The following SBF2 variants were observed in gnomAD, a reference collection of about 807,000 sequenced individuals.
SBF2 encodes myotubularin-related protein 13.
In SBF2, 112 loss-of-function variants were observed where a neutral mutation model predicts 225.2. That is an observed-to-expected ratio of 0.50 (90% confidence interval 0.43 to 0.58). The LOEUF (loss-of-function observed/expected upper bound fraction) is 0.58. SBF2 is among the 20% of genes least tolerant of loss of function. SBF2 has a pLI of 0.00. For synonymous variants in SBF2, 763 were observed against 773.3 expected (o/e 0.99, Z 0.22); for missense variants, 1,996 against 2,206.2 (o/e 0.90, Z 1.91).
intron 2 of SBF2, among the ~76,000 whole-genome samples, chr11:10,087,820 G>C (rs963452419): frequency 4.6e-5 from 7 of 152,198 alleles, no homozygotes; most frequent in Non-Finnish European, 7.3e-5. Context: ...AGCATTTTCA[G>C]TAAAACCTGG....
Position 9,831,527 on chromosome 11 carries a change from G to A in SBF2, c.3652+697C>T, listed in dbSNP as rs72853260. Among the ~76,000 whole-genome samples, 1,332 of 152,298 alleles carry A rather than the reference G, an allele frequency of 8.7e-3. 10 individuals are homozygous for A. The highest frequency in any genetic ancestry group is 0.015 in the Non-Finnish European group (1,011 of 68,034). On this transcript the variant is annotated intron_variant, in intron 27 of 39. Coordinates refer to ENST00000256190, the MANE Select transcript of SBF2 (RefSeq NM_030962.4). ...TGAGTTTACTTCATTTCCAAAGGTG[G>A]AAGAATGCAGCCATCCCTAAATCGG...
chr11:10,017,808 C>T (rs1948708151), intron 6 of SBF2, among the ~76,000 whole-genome samples: 2 of 152,096 alleles, frequency 1.3e-5, no homozygotes, highest in Admixed American at 6.5e-5. Context: ...TTACCAAACA[C>T]ATATGACTAA....
intron 38 of SBF2, among the ~76,000 whole-genome samples, chr11:9,782,857 G>A (rs1191135706): frequency 2.7e-5 from 4 of 145,596 alleles, no homozygotes; most frequent in Admixed American, 1.4e-4. Context: ...GTGACAAAGC[G>A]AGACTCTGTC....
intron 2 of SBF2, among the ~76,000 whole-genome samples, chr11:10,174,452 G>A (rs1169017592): frequency 6.6e-6 from 1 of 152,130 alleles, no homozygotes; most frequent in African/African-American, 2.4e-5. Context: ...AAGAAGGGAA[G>A]TTTAGAGAAA....
At chr11:10,060,215 A>C (rs1950383311) in intron 2 of SBF2, among the ~76,000 whole-genome samples, 1 of 152,216 alleles carries the variant, frequency 6.6e-6, no homozygotes, top group African/African-American at 2.4e-5. Flanking sequence ...GAACCCACAG[A>C]AACAAAAATA....
chr11:10,111,767 C>T (rs1952864784), intron 2 of SBF2, among the ~76,000 whole-genome samples: 4 of 152,218 alleles, frequency 2.6e-5, no homozygotes, highest in Admixed American at 6.5e-5. Flanking sequence ...ATCCCAGCTA[C>T]TCAGGAGGCT....
In SBF2 at chr11:9,845,594, T is replaced by A; in HGVS notation, c.3081A>T (p.Pro1027=). 1.2e-6 allele frequency: 2 copies of A among 1,613,968 alleles called. No individual in the cohort carries two copies. The highest frequency in any genetic ancestry group is 1.7e-6 in the Non-Finnish European group (2 of 1,179,820). ...AAGAAGTGTTCTTTTCCTTCTGTTTTGGTAAAATTATTTGTGGGGTAGTTT... is the reference window on the plus strand; with the variant it reads ...AAGAAGTGTTCTTTTCCTTCTGTTTAGGTAAAATTATTTGTGGGGTAGTTT... ...AGQTTPQIIL[P]KQKEKNTSFR... The change falls in exon 24 of 40, where the codon CCA becomes CCT. Residue 1027 remains proline (P), a synonymous_variant. Transcript: ENST00000256190.
chr11:9,868,031 C>A (rs1281269861), intron 17 of SBF2, among the ~76,000 whole-genome samples: 1 of 152,036 alleles, frequency 6.6e-6, no homozygotes, highest in Admixed American at 6.6e-5. Context: ...AAAGAAATGA[C>A]AAATGTTTGA....
chr11:9,948,295 GA>G, intron 16 of SBF2, among the ~76,000 whole-genome samples: 1 of 152,116 alleles, frequency 6.6e-6, no homozygotes, highest in African/African-American at 2.4e-5. Flanking sequence ...TAATAGATAG[GA>G]AGTTTCAGTT....
At chr11:10,199,173 C>T (rs1957488048) in intron 1 of SBF2, among the ~76,000 whole-genome samples, 1 of 152,076 alleles carries the variant, frequency 6.6e-6, no homozygotes. Flanking sequence ...CATCAACTAA[C>T]CCAATTTCAA....
chr11:10,111,753 T>C (rs1426134821), intron 2 of SBF2, among the ~76,000 whole-genome samples: 2 of 152,350 alleles, frequency 1.3e-5, no homozygotes, highest in East Asian at 3.9e-4. Context: ...GGCGCACGCC[T>C]GTAATCCCAG....
At chr11:10,232,563 T>A (rs959357406) in intron 1 of SBF2, among the ~76,000 whole-genome samples, 6 of 74,022 alleles carry the variant, frequency 8.1e-5, no homozygotes, top group Admixed American at 3.1e-4. Context: ...TTGTCTTAAT[T>A]TTTTTTTTTT....
chr11:10,172,519 T>C (rs1252855802), intron 2 of SBF2, among the ~76,000 whole-genome samples: 1 of 151,882 alleles, frequency 6.6e-6, no homozygotes, highest in East Asian at 1.9e-4. Context: ...GCCCGGCTAA[T>C]TTTTTTATTT....
At chr11:10,012,400 C>A (rs146089800) in intron 6 of SBF2, among the ~76,000 whole-genome samples, 4 of 152,286 alleles carry the variant, frequency 2.6e-5, no homozygotes, top group African/African-American at 9.6e-5. Context: ...CCTCAGCCTC[C>A]CAAAGTACTG....
chr11:10,209,999 T>C (rs1156265677), intron 1 of SBF2, among the ~76,000 whole-genome samples: 6 of 152,060 alleles, frequency 3.9e-5, no homozygotes, highest in African/African-American at 1.4e-4. Flanking sequence ...ATGTTTCAAG[T>C]AGAAATCAAG....
At chr11:9,820,345 A>G (rs547540111) in intron 28 of SBF2, among the ~76,000 whole-genome samples, 5 of 152,338 alleles carry the variant, frequency 3.3e-5, no homozygotes, top group African/African-American at 4.8e-5. Flanking sequence ...CCAGAAAGTA[A>G]GGGCTGCAGA....
At chr11:10,301,469 C>T (rs1011583983) in intron 1 of SBF2, among the ~76,000 whole-genome samples, 3 of 152,114 alleles carry the variant, frequency 2.0e-5, no homozygotes, top group African/African-American at 7.2e-5. Context: ...CAGGATGCAT[C>T]TTGAACTTTG....
intron 33 of SBF2, among the ~76,000 whole-genome samples, chr11:9,793,214 C>A (rs1356701191): frequency 6.6e-6 from 1 of 151,918 alleles, no homozygotes. Context: ...TTTCAACAGC[C>A]CTGTGTGATA....
At chr11:9,784,871 TCTGGCAGA>T in intron 37 of SBF2, 1 of 548,822 alleles carries the variant, frequency 1.8e-6, no homozygotes, top group South Asian at 2.1e-5. Context: ...CCTCAAACGT[TCTGGCAGA>T]CAGGAGATAA....
Sources: gnomAD v4.1 joint callset for allele counts (sites outside exome capture counted in the v4.1 genomes callset) on GRCh38, gnomAD v4.1.1 for gene constraint, MANE v1.5 for transcripts, NCBI Gene and HGNC (gene_info 2026-07-23, HGNC 2026-07-21) for gene names.